The following CREBBP variants were observed in gnomAD, a reference collection of about 807,000 sequenced individuals.
CREBBP encodes the protein CREB-binding protein.
Under a neutral mutation model 265.0 loss-of-function variants are expected in CREBBP, and 19 were observed. The ratio of observed to expected loss-of-function variants is 0.07; its 90% CI spans 0.05 to 0.11. The LOEUF (loss-of-function observed/expected upper bound fraction) is 0.11. CREBBP is among the 10% of genes least tolerant of loss of function. CREBBP has a pLI of 1.00. For synonymous variants in CREBBP, 1,457 were observed against 1,223.7 expected, an observed-to-expected ratio of 1.19 and a Z score of -3.98; for missense variants, 2,525 against 3,219.0, an observed-to-expected ratio of 0.78 and a Z score of 5.22.
chr16:3,798,218 C>T (rs143756450), intron 3 of CREBBP, among the ~76,000 whole-genome samples: 250 of 152,312 alleles, frequency 1.6e-3, no homozygotes, highest in Middle Eastern at 0.01. Context: ...GAGTGACAAT[C>T]GTACCATTCA....
intron 20 of CREBBP, 36 bp downstream of exon 20, chr16:3,751,690 C>T (rs1467252344): frequency 1.9e-6 from 3 of 1,597,812 alleles, no homozygotes; most frequent in South Asian, 1.1e-5. Flanking sequence ...AGGTCACCCT[C>T]CCTCACCCCA....
intron 1 of CREBBP, among the ~76,000 whole-genome samples, chr16:3,872,066 G>C (rs937110746): frequency 6.6e-6 from 1 of 152,050 alleles, no homozygotes; most frequent in Non-Finnish European, 1.5e-5. Context: ...AATGTCACAC[G>C]GGATAATATC....
chr16:3,728,078 T>C lies in CREBBP; in HGVS notation c.6969A>G (p.Gly2323=), dbSNP rs745533052. The C allele has an allele frequency of 1.9e-6, 3 of 1,613,988 alleles. No individual in the cohort carries two copies. Among genetic ancestry groups the C allele is most frequent in the African/African-American group, 2.7e-5 (2 of 74,918 alleles). Residue 2323 remains glycine, a synonymous_variant, in exon 31 of 31, where the codon GGA becomes GGG. Transcript: ENST00000262367. This position sits in a 1 kb window ranked among gnomAD's most constrained non-coding sequence, Gnocchi z 8.7. ...CAGGGAGATGCGAGGCCTGTGGCTGTCCTGAGAGCATGTGTTGCTGGGGGC... is the reference window on the plus strand; with the variant it reads ...CAGGGAGATGCGAGGCCTGTGGCTGCCCTGAGAGCATGTGTTGCTGGGGGC... ...PMSPQQHMLS[G]QPQASHLPGQ...
chr16:3,812,351 G>A (rs1420602679), intron 2 of CREBBP, among the ~76,000 whole-genome samples: 1 of 151,814 alleles, frequency 6.6e-6, no homozygotes, highest in African/African-American at 2.4e-5. Context: ...GCTAATTTTT[G>A]TATTTTTAGT....
intron 5 of CREBBP, among the ~76,000 whole-genome samples, chr16:3,791,559 G>A (rs981630422): frequency 6.6e-6 from 1 of 152,154 alleles, no homozygotes; most frequent in Non-Finnish European, 1.5e-5. Flanking sequence ...CAGGATAAGG[G>A]CTTTCCAATT....
intron 1 of CREBBP, among the ~76,000 whole-genome samples, chr16:3,874,332 G>A (rs1204199165): frequency 6.6e-6 from 1 of 152,152 alleles, no homozygotes; most frequent in African/African-American, 2.4e-5. Flanking sequence ...CAGAAAACTT[G>A]CCCTGCTGCT....
intron 21 of CREBBP, among the ~76,000 whole-genome samples, chr16:3,746,137 C>T (rs537998498): frequency 5.9e-5 from 9 of 152,294 alleles, no homozygotes; most frequent in African/African-American, 2.2e-4. Flanking sequence ...CAATGCATAC[C>T]TCCGAGGATA....
chr16:3,824,545 T>C (rs1216034475), intron 2 of CREBBP, among the ~76,000 whole-genome samples: 1 of 152,214 alleles, frequency 6.6e-6, no homozygotes, highest in Non-Finnish European at 1.5e-5. Context: ...GCATCACTCA[T>C]AACATCGACA....
In CREBBP at chr16:3,757,710, T is replaced by G; in HGVS notation, c.3609+99A>C. The G allele has an allele frequency of 3.3e-6, 5 of 1,520,572 alleles. No homozygotes were observed. The South Asian group carries it at 5.7e-5, about 17-fold the overall frequency. The allele number at this position is 1,520,572 out of a possible 1,614,324, so 94.2% of individuals were successfully genotyped here. A position where few individuals can be genotyped will look rare whatever the true frequency, so the allele number is the denominator to read the frequency against. On this transcript the variant is annotated intron_variant, in intron 18 of 30. Coordinates refer to ENST00000262367, the MANE Select transcript of CREBBP (RefSeq NM_004380.3). ...GTCACCAGACAGCAGATTGCACATATGCACTCCCAGTATACAGGCGTGGTC... is the reference window on the plus strand; with the variant it reads ...GTCACCAGACAGCAGATTGCACATAGGCACTCCCAGTATACAGGCGTGGTC...
intron 28 of CREBBP, among the ~76,000 whole-genome samples, chr16:3,735,152 G>A (rs960525663): frequency 7.9e-5 from 12 of 152,248 alleles, no homozygotes; most frequent in African/African-American, 2.6e-4. Flanking sequence ...ACCTTCCTGT[G>A]GTGGGCGGGT....
intron 19 of CREBBP, among the ~76,000 whole-genome samples, chr16:3,756,315 G>A (rs1032056947): frequency 2.6e-5 from 4 of 152,210 alleles, no homozygotes; most frequent in Admixed American, 1.3e-4. Flanking sequence ...CCTGACCTGT[G>A]CCTCCACGCA....
At chr16:3,785,538 T>C (rs754492474) in intron 5 of CREBBP, among the ~76,000 whole-genome samples, 2 of 152,354 alleles carry the variant, frequency 1.3e-5, no homozygotes, top group Admixed American at 1.3e-4. Context: ...ACCTGCCACA[T>C]GGGCCACGTA....
At chr16:3,767,253 T>C (rs1254940080) in intron 16 of CREBBP, 2 of 181,804 alleles carry the variant, frequency 1.1e-5, no homozygotes, top group Non-Finnish European at 2.3e-5. Context: ...TCACTCTGCA[T>C]GCTCAGCTTC....
intron 3 of CREBBP, among the ~76,000 whole-genome samples, chr16:3,796,029 G>A (rs1383886915): frequency 6.6e-6 from 1 of 152,096 alleles, no homozygotes; most frequent in Middle Eastern, 3.2e-3. Flanking sequence ...TGTTTTTAAG[G>A]TTCTTAATCT....
chr16:3,855,193 T>C (rs977101751), intron 1 of CREBBP, among the ~76,000 whole-genome samples: 3 of 152,248 alleles, frequency 2.0e-5, no homozygotes, highest in Admixed American at 6.5e-5. Context: ...TTAATTGTCA[T>C]GTCTTTGTCA....
chr16:3,778,325 C>T lies in CREBBP; in HGVS notation c.1942-143G>A. ...TGCAAATACCTGATACACCAGAAGC[C>T]CACATTCTTGCTGAATTCCCAATGA... is the stretch of plus-strand genomic sequence containing the variant. On this transcript the variant is annotated intron_variant, in intron 9 of 30. Coordinates refer to ENST00000262367, the MANE Select transcript of CREBBP (RefSeq NM_004380.3). 4.3e-6 allele frequency: 3 copies of T among 695,900 alleles called. No homozygotes were observed. The South Asian group carries it at 5.2e-5, about 12-fold the overall frequency. The allele number at this position is 695,900 out of a possible 1,614,324, so 43.1% of individuals were successfully genotyped here. A position where few individuals can be genotyped will look rare whatever the true frequency, so the allele number is the denominator to read the frequency against.
rs2151304734 is a variant in CREBBP, at chr16:3,728,724, T to A, written c.6323A>T (p.Tyr2108Phe). The change falls in exon 31 of 31, where the codon TAC (tyrosine) becomes TTC (phenylalanine). Residue 2108 changes from tyrosine (Y) to phenylalanine (F), a missense_variant. Around this residue, in one of 19 missense-constraint regions of CREBBP, gnomAD observed 473 missense variants for 459.3 expected, o/e 1.03. Coordinates refer to ENST00000262367, the MANE Select transcript of CREBBP (RefSeq NM_004380.3). The surrounding 1 kb of genome is among the most constrained non-coding windows in gnomAD (Gnocchi z 8.7). ...AAFIKQRTAK[Y>F]VANQPGMQPQ... ...CTGCATGCCGGGCTGATTGGCCACG[T>A]ACTTGGCTGTGCGCTGTTTGATGAA... The A allele has an allele frequency of 6.2e-7, 1 of 1,613,894 alleles. No individual in the cohort carries two copies. The highest frequency in any genetic ancestry group is 8.5e-7 in the Non-Finnish European group (1 of 1,179,958).
chr16:3,790,597 G>T (rs574449831), intron 5 of CREBBP, among the ~76,000 whole-genome samples: 10 of 152,002 alleles, frequency 6.6e-5, no homozygotes, highest in Non-Finnish European at 1.2e-4. Context: ...TGATCTGCCC[G>T]CCTCGGCCTC....
chr16:3,861,226 G>A (rs1013608760), intron 1 of CREBBP, among the ~76,000 whole-genome samples: 4 of 152,134 alleles, frequency 2.6e-5, no homozygotes, highest in South Asian at 2.1e-4. Context: ...CCGAGATCGC[G>A]CCATTGCACT....
Sources: allele counts gnomAD v4.1 joint callset (sites outside exome capture counted in the v4.1 genomes callset), GRCh38; gene constraint gnomAD v4.1.1; regional missense constraint gnomAD v4.1.1; non-coding constraint Gnocchi (gnomAD v3.1); transcripts MANE v1.5; gene names NCBI Gene and HGNC (gene_info 2026-07-23, HGNC 2026-07-21).